The following LYSMD4 variants were observed in gnomAD, a reference collection of about 807,000 sequenced individuals.
The protein encoded by LYSMD4 is LysM domain containing 4.
Under a neutral mutation model 6.1 loss-of-function variants are expected in LYSMD4, and 9 were observed. That is an observed-to-expected ratio of 1.47 (90% CI 0.88 to 2.56). The LOEUF is 2.56. Among genes scored for constraint, LYSMD4 ranks in the 30% most tolerant of loss-of-function variants. The pLI, the probability that LYSMD4 is intolerant of heterozygous loss-of-function variation, is 0.00. For missense variants in LYSMD4, 384 were observed against 373.5 expected (o/e 1.03, Z -0.23); for synonymous variants, 143 against 148.5 (o/e 0.96, Z 0.27).
In LYSMD4 at chr15:99,733,384, T is replaced by C. The variant is rs562940378; in HGVS notation, c.-48A>G. The C allele has an allele frequency of 5.7e-3, 2,257 of 395,322 alleles. 43 individuals carry two copies. Among genetic ancestry groups the C allele is most frequent in the African/African-American group, 0.041 (1,969 of 48,388 alleles). The allele number at this position is 395,322 out of a possible 1,614,324, so 24.5% of individuals were successfully genotyped here. A position where few individuals can be genotyped will look rare whatever the true frequency, so the allele number is the denominator to read the frequency against. Reference sequence around the variant, plus strand: ...TCCGCCGCGACCGGCGACCGGCGACTCGCGACCCGCGACCCGCGACCCGCA... The same window carrying C: ...TCCGCCGCGACCGGCGACCGGCGACCCGCGACCCGCGACCCGCGACCCGCA... On this transcript the variant is annotated 5_prime_UTR_variant, in exon 1 of 3. Transcript: ENST00000684762.
Position 99,731,741 on chromosome 15 carries a change from G to C in LYSMD4, c.259C>G (p.Leu87Val), listed in dbSNP as rs201005514. 4.1e-4 allele frequency: 652 copies of C among 1,604,066 alleles called. 2 individuals are homozygous for C. The highest frequency in any genetic ancestry group is 2.0e-3 in the Middle Eastern group (9 of 4,424). Residue 87 changes from leucine (L) to valine (V), a missense_variant, in exon 2 of 3, where the codon CTG becomes GTG. Leu to Val is a conservative substitution (Grantham distance 32). Transcript: ENST00000684762. ...ELAQEDSLNK[L>V]ALQYGCKVAD... is the part of the protein sequence containing the mutation. Reference sequence around the variant, plus strand: ...ACTTTGCAGCCATACTGCAGCGCCAGCTTGTTGAGGCTGTCCTCCTGGGCC... The same window carrying C: ...ACTTTGCAGCCATACTGCAGCGCCACCTTGTTGAGGCTGTCCTCCTGGGCC...
rs746589633 is a variant in LYSMD4, at chr15:99,731,789, C to G, written c.211G>C (p.Val71Leu). The change falls in exon 2 of 3, where the codon GTG becomes CTG. Residue 71 changes from valine (V) to leucine (L), a missense_variant. Coordinates refer to ENST00000684762, the MANE Select transcript of LYSMD4 (RefSeq NM_001284417.2). ...GCCAGCTCCCGCTGCAGCAGCACCA[C>G]GTCACCTGCTCCCGCCTGGGGAGGC... is the stretch of plus-strand genomic sequence containing the variant. ...HQPPQAGAGD[V>L]VLLQRELAQE... 1.2e-5 allele frequency: 20 copies of G among 1,611,830 alleles called. No individual in the cohort carries two copies. In the East Asian group the frequency reaches 3.6e-4, roughly 29 times the overall value.
Position 99,731,993 on chromosome 15 carries a change from G to A in LYSMD4, c.7C>T (p.His3Tyr), listed in dbSNP as rs1426606163. 1 of 1,562,870 alleles carries A rather than the reference G, an allele frequency of 6.4e-7. No individual in the cohort carries two copies. The highest frequency in any genetic ancestry group is 8.7e-7 in the Non-Finnish European group (1 of 1,149,450). The change falls in exon 2 of 3, where the codon CAC (histidine) becomes TAC (tyrosine). Residue 3 changes from histidine to tyrosine, a missense_variant. By Grantham distance (83) the His-to-Tyr change is moderately conservative. Transcript: ENST00000684762. MR[H>Y]EELLTKTFQG... Reference sequence around the variant, plus strand: ...AAGGTCTTGGTTAACAATTCCTCGTGCCTCATTTTCTTCACTGAAAATCAA... The same window carrying A: ...AAGGTCTTGGTTAACAATTCCTCGTACCTCATTTTCTTCACTGAAAATCAA...
At chr15:99,718,377 TAA>T (rs1339017655), upstream of LYSMD4, among the ~76,000 whole-genome samples, 2 of 152,158 alleles carry the variant, frequency 1.3e-5, no homozygotes, top group Non-Finnish European at 2.9e-5. Context: ...TTCTTCAATG[TAA>T]AAAGTTTCTC....
chr15:99,733,217 C>A (rs2924787), intron 1 of LYSMD4, 128 bp downstream of exon 1: 1 of 372,264 alleles, frequency 2.7e-6, no homozygotes, highest in Non-Finnish European at 4.8e-6. Flanking sequence ...CCAGCTGGAG[C>A]GTCCCCCTAG....
At chr15:99,720,920 C>G (rs745985873), upstream of LYSMD4, 1 of 152,264 alleles carries the variant, frequency 6.6e-6, no homozygotes, top group Non-Finnish European at 1.5e-5. Context: ...CTGTAACTGT[C>G]CCCTCTTTCT....
At chr15:99,719,099 C>A (rs1198949357), upstream of LYSMD4, among the ~76,000 whole-genome samples, 1 of 152,184 alleles carries the variant, frequency 6.6e-6, no homozygotes, top group Non-Finnish European at 1.5e-5. Context: ...CACTTATTTT[C>A]AGAACTGCCC....
Position 99,727,514 on chromosome 15 carries a change from G to C in LYSMD4, c.*1609C>G, listed in dbSNP as rs1038168424. 1 of 152,212 alleles carries C rather than the reference G, an allele frequency of 6.6e-6. No individual in the cohort carries two copies. The highest frequency in any genetic ancestry group is 1.5e-5 in the Non-Finnish European group (1 of 68,056). The allele number at this position is 152,212 out of a possible 1,614,324, so 9.4% of individuals were successfully genotyped here. On this transcript the variant is annotated 3_prime_UTR_variant, in exon 3 of 3. Coordinates refer to ENST00000684762, the MANE Select transcript of LYSMD4 (RefSeq NM_001284417.2). ...GGAACTCCAAGGCCTGCCTGGTGAA[G>C]TGACAGTGACAGATGTTAGAGGAAC...
At chr15:99,717,863 A>G (rs2059200997), upstream of LYSMD4, 1 of 152,230 alleles carries the variant, frequency 6.6e-6, no homozygotes, top group African/African-American at 2.4e-5. Context: ...TGGTTTCACT[A>G]CACAGTCCCC....
At chr15:99,730,871 G>A (rs1283887625) in intron 2 of LYSMD4, among the ~76,000 whole-genome samples, 1 of 152,178 alleles carries the variant, frequency 6.6e-6, no homozygotes, top group African/African-American at 2.4e-5. Context: ...AAGCCACACA[G>A]TATGCCTGCA....
Position 99,729,364 on chromosome 15 carries a change from T to G in LYSMD4, c.650A>C (p.Gln217Pro). The G allele has an allele frequency of 6.2e-7, 1 of 1,614,218 alleles. No individual in the cohort carries two copies. The highest frequency in any genetic ancestry group is 2.2e-5 in the East Asian group (1 of 44,886). ...CATGATGAAAACAGCATTCCACCAC[T>G]GAATGCCACAATCTGCACCATCCAT... ...TPMDGADCGI[Q>P]WWNAVFIMLL... Residue 217 changes from glutamine (Q) to proline (P), a missense_variant, in exon 3 of 3, where the codon CAG (glutamine) becomes CCG (proline). By Grantham distance (76) the Gln-to-Pro change is moderately conservative. Transcript: ENST00000684762.
At chr15:99,726,652 TG>T (rs1304099575), downstream of LYSMD4, among the ~76,000 whole-genome samples, 3 of 152,310 alleles carry the variant, frequency 2.0e-5, no homozygotes, top group African/African-American at 7.2e-5. Flanking sequence ...CCTGCAGCTT[TG>T]TCTCTCCAGA....
upstream of LYSMD4, among the ~76,000 whole-genome samples, chr15:99,718,929 A>G (rs892783187): frequency 1.3e-3 from 202 of 150,862 alleles, 1 homozygote; most frequent in Admixed American, 0.012. Flanking sequence ...ACACACACAC[A>G]CACACACACA....
rs2059301194 is a variant in LYSMD4 at position 99,727,589 on chromosome 15, C to G, written c.*1534G>C. On this transcript the variant is annotated 3_prime_UTR_variant, in exon 3 of 3. Coordinates refer to ENST00000684762, the MANE Select transcript of LYSMD4 (RefSeq NM_001284417.2). ...GCACAGACATTTGGCTGGGAAAGCACTTGCATGATCGAAACATTTCCTATT... is the reference window on the plus strand; with the variant it reads ...GCACAGACATTTGGCTGGGAAAGCAGTTGCATGATCGAAACATTTCCTATT... 1 of 152,206 alleles carries G rather than the reference C, an allele frequency of 6.6e-6. No individual in the cohort carries two copies. The highest frequency in any genetic ancestry group is 2.1e-4 in the South Asian group (1 of 4,828). The allele number at this position is 152,206 out of a possible 1,614,324, so 9.4% of individuals were successfully genotyped here. A position where few individuals can be genotyped will look rare whatever the true frequency, so the allele number is the denominator to read the frequency against.
Position 99,731,141 on chromosome 15 carries a change from T to C in LYSMD4, c.282+577A>G, listed in dbSNP as rs781562028. The C allele has an allele frequency of 3.1e-6, 5 of 1,602,490 alleles. No homozygotes were observed. The African/African-American group carries it at 5.4e-5, about 17-fold the overall frequency. ...GAAACAGTTGCAATCTAGGAGAAAA[T>C]GCAGCAATTCTAGAAATACTTTCCT... On this transcript the variant is annotated intron_variant, in intron 2 of 2. Coordinates refer to ENST00000684762, the MANE Select transcript of LYSMD4 (RefSeq NM_001284417.2).
downstream of LYSMD4, among the ~76,000 whole-genome samples, chr15:99,723,985 G>A (rs942725089): frequency 3.3e-5 from 5 of 150,896 alleles, no homozygotes; most frequent in Non-Finnish European, 4.4e-5. Context: ...CCACAGCTCC[G>A]TTTACATTTC....
At chr15:99,715,958 A>C (rs761997052) in exon 1 of LYSMD4, 3 of 153,294 alleles carry the variant, frequency 2.0e-5, no homozygotes, top group Non-Finnish European at 4.4e-5. Flanking sequence ...CTTTCCTTTA[A>C]CTAGAAGGAT....
chr15:99,731,058 G>C (rs150823034), intron 2 of LYSMD4: 3 of 909,966 alleles, frequency 3.3e-6, no homozygotes, highest in Non-Finnish European at 5.1e-6. Flanking sequence ...CTTAAATTAA[G>C]TAGCTTATAT....
At chr15:99,724,002 G>T (rs542661109), downstream of LYSMD4, among the ~76,000 whole-genome samples, 1 of 150,770 alleles carries the variant, frequency 6.6e-6, no homozygotes, top group African/African-American at 2.5e-5. Context: ...TTTCCTTCAC[G>T]CCAGGCCACC....
Sources: gnomAD v4.1 joint callset for allele counts (sites outside exome capture counted in the v4.1 genomes callset) on GRCh38, gnomAD v4.1.1 for gene constraint, MANE v1.5 for transcripts, NCBI Gene and HGNC (gene_info 2026-07-23, HGNC 2026-07-21) for gene names.